The following KCNK2 variants were observed in gnomAD, a reference collection of about 807,000 sequenced individuals.
KCNK2 encodes potassium channel subfamily K member 2.
In KCNK2, 21 loss-of-function variants were observed where a neutral mutation model predicts 40.5. That is an observed-to-expected ratio of 0.52 (90% CI 0.37 to 0.75). The LOEUF (loss-of-function observed/expected upper bound fraction) is 0.75, where lower values mean the gene tolerates loss of function less well. Among genes scored for constraint, KCNK2 ranks in the 30% least tolerant of loss-of-function variants. The probability of loss-of-function intolerance (pLI) is 0.00; values close to 1 mark genes in which losing one functional copy is unlikely to be tolerated. For missense variants in KCNK2, 399 were observed against 531.6 expected, an observed-to-expected ratio of 0.75 and a Z score of 2.45; for synonymous variants, 191 against 202.2, an observed-to-expected ratio of 0.94 and a Z score of 0.47.
chr1:215,210,031 TATAA>T (rs1665664222), intron 6 of KCNK2, among the ~76,000 whole-genome samples: 1 of 86,330 alleles, frequency 1.2e-5, no homozygotes, highest in Non-Finnish European at 2.3e-5. Flanking sequence ...ATATATTATA[TATAA>T]TATATATAAT....
chr1:215,192,005 T>C (rs1464536600), intron 5 of KCNK2, among the ~76,000 whole-genome samples: 1 of 152,140 alleles, frequency 6.6e-6, no homozygotes, highest in Non-Finnish European at 1.5e-5. Context: ...GACAAATAGG[T>C]AGGTTTCCTC....
intron 1 of KCNK2, among the ~76,000 whole-genome samples, chr1:215,034,732 CTCTGT>C (rs1254725241): frequency 6.6e-6 from 1 of 152,078 alleles, no homozygotes; most frequent in African/African-American, 2.4e-5. Context: ...TATTTGAACT[CTCTGT>C]TCTGTTTCAT....
intron 3 of KCNK2, among the ~76,000 whole-genome samples, chr1:215,131,108 C>T (rs1661656197): frequency 6.6e-6 from 1 of 151,334 alleles, no homozygotes; most frequent in South Asian, 2.1e-4. Context: ...GATCCGCCCG[C>T]CTCGGCCTCC....
chr1:215,143,149 A>T (rs759383657), intron 3 of KCNK2, among the ~76,000 whole-genome samples: 2 of 152,082 alleles, frequency 1.3e-5, no homozygotes, highest in African/African-American at 2.4e-5. Flanking sequence ...CCTTTTTTTT[A>T]AATTGAATTT....
chr1:215,154,280 C>T (rs1180734181), intron 3 of KCNK2, among the ~76,000 whole-genome samples: 1 of 152,112 alleles, frequency 6.6e-6, no homozygotes, highest in Non-Finnish European at 1.5e-5. Context: ...TTTGAATAAT[C>T]GCCATTCTGA....
At position 215,235,279 on chromosome 1, in the gene KCNK2, CATCT is replaced by C. The variant is rs1421856567; in HGVS notation, c.*138_*141del. The C allele has an allele frequency of 1.5e-6, 1 of 658,568 alleles. No individual in the cohort carries two copies. The highest frequency in any genetic ancestry group is 2.5e-6 in the Non-Finnish European group (1 of 398,614). The allele number at this position is 658,568 out of a possible 1,614,324, so 40.8% of individuals were successfully genotyped here. Reference sequence around the variant, plus strand: ...ACAAAATAGATACACCCATCATGGTCATCTATCATCAAGAGAATTTGGAATTCTG... The same window carrying C: ...ACAAAATAGATACACCCATCATGGTCATCATCAAGAGAATTTGGAATTCTG... On this transcript the variant is annotated 3_prime_UTR_variant, in exon 7 of 7. Transcript: ENST00000444842.
At chr1:215,007,185 G>GTGTATATATATA (rs1398746959) in intron 1 of KCNK2, among the ~76,000 whole-genome samples, 8 of 31,028 alleles carry the variant, frequency 2.6e-4, no homozygotes, top group African/African-American at 9.8e-4. Context: ...ATGTGTGTGG[G>GTGTATATATATA]TATATATATA....
chr1:215,083,204 G>GTCCCCC lies in KCNK2; in HGVS notation c.-182_-181insTCCCCC. 3.7e-6 allele frequency: 1 copy of GTCCCCC among 273,550 alleles called. No individual in the cohort carries two copies. Among genetic ancestry groups the GTCCCCC allele is most frequent in the South Asian group, 4.3e-5 (1 of 23,220 alleles). The allele number at this position is 273,550 out of a possible 1,614,324, so 16.9% of individuals were successfully genotyped here. ...CGTTTCTTCTCACGCTCCCCCCCCC[G>GTCCCCC]CCCCCTCCCGCGTCCAGCCCCGCTC... On this transcript the variant is annotated 5_prime_UTR_variant, in exon 1 of 7. Coordinates refer to ENST00000444842, the MANE Select transcript of KCNK2 (RefSeq NM_001017425.3).
chr1:215,113,264 A>G (rs931367248), intron 2 of KCNK2, among the ~76,000 whole-genome samples: 1 of 152,182 alleles, frequency 6.6e-6, no homozygotes. Context: ...GTATTTCCAC[A>G]TAGAAATAAT....
chr1:215,171,206 G>C (rs1453452809), intron 4 of KCNK2, among the ~76,000 whole-genome samples: 1 of 152,062 alleles, frequency 6.6e-6, no homozygotes, highest in Non-Finnish European at 1.5e-5. Flanking sequence ...GATATAAACT[G>C]TTGTATATAT....
At chr1:215,143,205 A>T (rs1051146093) in intron 3 of KCNK2, among the ~76,000 whole-genome samples, 1 of 152,038 alleles carries the variant, frequency 6.6e-6, no homozygotes, top group African/African-American at 2.4e-5. Context: ...TGCATGTGCT[A>T]TGCGTGTGTG....
chr1:215,209,515 A>ATATATATATTATATAATATATATTAT (rs1665533765), intron 6 of KCNK2, among the ~76,000 whole-genome samples: 4 of 1,494 alleles, frequency 2.7e-3, no homozygotes, highest in African/African-American at 8.4e-3. Flanking sequence ...ATATATATAA[A>ATATATATATTATATAATATATATTAT]ATATAATATA....
rs556690468 is a variant in KCNK2, at chr1:215,144,792, C to T, written c.475+20042C>T. 3.3e-5 allele frequency among the ~76,000 whole-genome samples: 5 copies of T among 152,174 alleles called. No homozygotes were observed. In the South Asian group the frequency reaches 6.2e-4, roughly 19 times the overall value. ...TTAATAGGCCATCTTAAACAAGATA[C>T]GGTCGAGCAATTCTGTGAGGGATGT... On this transcript the variant is annotated intron_variant, in intron 3 of 6. Coordinates refer to ENST00000444842, the MANE Select transcript of KCNK2 (RefSeq NM_001017425.3).
chr1:215,132,683 A>T (rs1019180330), intron 3 of KCNK2, among the ~76,000 whole-genome samples: 1 of 152,214 alleles, frequency 6.6e-6, no homozygotes, highest in Non-Finnish European at 1.5e-5. Context: ...AACAAAACCC[A>T]TATCGGAATA....
intron 3 of KCNK2, among the ~76,000 whole-genome samples, chr1:215,134,648 G>A (rs1008436112): frequency 6.6e-6 from 1 of 152,074 alleles, no homozygotes; most frequent in Non-Finnish European, 1.5e-5. Context: ...CAAACTTGTA[G>A]TCATGGCTTG....
chr1:215,161,630 A>T (rs61019588), intron 3 of KCNK2, among the ~76,000 whole-genome samples: 18,744 of 140,910 alleles, frequency 0.13, 2,445 homozygotes, highest in African/African-American at 0.35. Context: ...CCCTGTGTCC[A>T]TGTGTTCTCA....
At chr1:215,105,423 A>T (rs549385154) in intron 2 of KCNK2, among the ~76,000 whole-genome samples, 3 of 151,984 alleles carry the variant, frequency 2.0e-5, no homozygotes, top group Non-Finnish European at 4.4e-5. Flanking sequence ...CTATTTAGGG[A>T]TGGATCATAT....
At chr1:215,033,317 G>T (rs1657270536) in intron 1 of KCNK2, among the ~76,000 whole-genome samples, 1 of 150,672 alleles carries the variant, frequency 6.6e-6, no homozygotes, top group Non-Finnish European at 1.5e-5. Context: ...AGTCATAATT[G>T]TTCAAATTCC....
At chr1:215,097,254 G>A (rs960767934) in intron 2 of KCNK2, among the ~76,000 whole-genome samples, 3 of 151,802 alleles carry the variant, frequency 2.0e-5, no homozygotes, top group Non-Finnish European at 2.9e-5. Context: ...TTCTAGACAC[G>A]TATGGTAGTG....
Sources: gnomAD v4.1 joint callset for allele counts (sites outside exome capture counted in the v4.1 genomes callset) on GRCh38, gnomAD v4.1.1 for gene constraint, MANE v1.5 for transcripts, NCBI Gene and HGNC (gene_info 2026-07-23, HGNC 2026-07-21) for gene names.